Variants in EPC2 observed in about 807,000 individuals in gnomAD.
The protein encoded by EPC2 is enhancer of polycomb 2, also known as enhancer of polycomb homolog 2.
Under a neutral mutation model 92.1 loss-of-function variants are expected in EPC2, and 14 were observed. The ratio of observed to expected loss-of-function variants is 0.15; its 90% confidence interval spans 0.10 to 0.24. EPC2 has a LOEUF of 0.24. Ranked by LOEUF, EPC2 falls within the 10% of genes least tolerant of loss-of-function variation. EPC2 has a pLI of 1.00. For missense variants in EPC2, 755 were observed against 971.5 expected, an observed-to-expected ratio of 0.78 and a Z score of 2.96; for synonymous variants, 340 against 334.7, an observed-to-expected ratio of 1.02 and a Z score of -0.17.
chr2:148,697,596 G>A (rs1248630595), intron 2 of EPC2, among the ~76,000 whole-genome samples: 2 of 152,164 alleles, frequency 1.3e-5, no homozygotes, highest in Non-Finnish European at 2.9e-5. Flanking sequence ...TTTTGGGAAA[G>A]CCTAAGATTC....
chr2:148,769,194 A>G lies in EPC2; in HGVS notation c.1184A>G (p.Asp395Gly), dbSNP rs1157135130. 1 of 1,612,888 alleles carries G rather than the reference A, an allele frequency of 6.2e-7. No individual in the cohort carries two copies. Among genetic ancestry groups the G allele is most frequent in the Non-Finnish European group, 8.5e-7 (1 of 1,179,464 alleles). The part of the protein sequence containing the change: ...VSEPEEENDP[D>G]GPCAFRRRAG... The stretch of plus-strand genomic sequence containing the variant: ...GAACCGGAAGAAGAAAATGATCCTG[A>G]TGGTCCCTGTGCTTTCAGAAGGCGG... The change falls in exon 8 of 14, where the codon GAT (aspartate) becomes GGT (glycine). Residue 395 changes from aspartate to glycine, a missense_variant. By Grantham distance (94) the Asp-to-Gly change is moderately conservative. Transcript: ENST00000258484.
At chr2:148,646,181 T>G (rs914320533) in intron 1 of EPC2, among the ~76,000 whole-genome samples, 1 of 152,044 alleles carries the variant, frequency 6.6e-6, no homozygotes, top group Non-Finnish European at 1.5e-5. Context: ...CAACCTCGGG[T>G]GTGTGTGGAT....
chr2:148,689,322 A>G lies in EPC2; in HGVS notation c.154-892A>G, dbSNP rs56339776. Among the ~76,000 whole-genome samples the G allele has an allele frequency of 2.6e-3, 384 of 149,642 alleles. 2 individuals carry two copies. The highest frequency in any genetic ancestry group is 3.0e-3 in the Non-Finnish European group (204 of 66,960). On this transcript the variant is annotated intron_variant, in intron 1 of 13. Transcript: ENST00000258484. ...CTCCTGAGTAGCTGGGACTAGAGGC[A>G]CCCGCCACTACGCCCGGCTAATTTT...
chr2:148,671,287 ATTTTT>A (rs60048357), intron 1 of EPC2, among the ~76,000 whole-genome samples: 5 of 127,092 alleles, frequency 3.9e-5, no homozygotes, highest in African/African-American at 1.2e-4. Context: ...GTGGATTGTG[ATTTTT>A]TTTTTTTTTT....
chr2:148,649,673 C>G (rs1433763803), intron 1 of EPC2, among the ~76,000 whole-genome samples: 1 of 152,168 alleles, frequency 6.6e-6, no homozygotes, highest in African/African-American at 2.4e-5. Context: ...GCTGAAAGGT[C>G]TTGCTGCTAG....
rs1237828007 is a variant in EPC2, at chr2:148,786,345, G to A, written c.2392G>A (p.Ala798Thr). The change falls in exon 14 of 14, where the codon GCA becomes ACA. Residue 798 changes from alanine (A) to threonine (T), a missense_variant. Around this residue, in one of 4 missense-constraint regions of EPC2, gnomAD observed 207 missense variants for 260.5 expected, o/e 0.79. Transcript: ENST00000258484. ...EPERLGLNGIAETTVAMEVT is the reference protein window; with the variant it reads ...EPERLGLNGITETTVAMEVT ...AGAAAGATTGGGCTTAAATGGAATA[G>A]CAGAGACAACAGTAGCTATGGAAGT... The A allele has an allele frequency of 1.9e-6, 3 of 1,611,826 alleles. No homozygotes were observed. The highest frequency in any genetic ancestry group is 2.5e-6 in the Non-Finnish European group (3 of 1,178,940).
chr2:148,651,800 T>C (rs566991826), intron 1 of EPC2, among the ~76,000 whole-genome samples: 20 of 152,286 alleles, frequency 1.3e-4, no homozygotes, highest in Non-Finnish European at 1.8e-4. Flanking sequence ...AATAGATGGT[T>C]TAGAGTTGAT....
At chr2:148,782,982 T>C (rs1683784884) in intron 11 of EPC2, among the ~76,000 whole-genome samples, 1 of 152,200 alleles carries the variant, frequency 6.6e-6, no homozygotes, top group Non-Finnish European at 1.5e-5. Flanking sequence ...GTCAGTACAC[T>C]GACTTTAAAG....
chr2:148,755,353 G>C (rs1683165928), intron 4 of EPC2, among the ~76,000 whole-genome samples: 1 of 151,864 alleles, frequency 6.6e-6, no homozygotes, highest in South Asian at 2.1e-4. Context: ...TTGGACATGA[G>C]GAAAGAGAGG....
In EPC2 at chr2:148,751,295, C is replaced by G. The variant is rs1425267175; in HGVS notation, c.460-2632C>G. On this transcript the variant is annotated intron_variant, in intron 3 of 13. Coordinates refer to ENST00000258484, the MANE Select transcript of EPC2 (RefSeq NM_015630.4). ...TGAAATTACAGATTTTGTTGATTAA[C>G]AGACTAAGTGGTCCTTGTCTTCATA... Among the ~76,000 whole-genome samples the G allele has an allele frequency of 2.6e-5, 4 of 151,958 alleles. No homozygotes were observed. The East Asian group carries it at 7.7e-4, about 29-fold the overall frequency.
intron 1 of EPC2, among the ~76,000 whole-genome samples, chr2:148,656,282 A>G (rs578140220): frequency 9.1e-4 from 138 of 152,278 alleles, no homozygotes; most frequent in African/African-American, 3.3e-3. Context: ...TTAACCCGTC[A>G]TTCCTAAGTG....
intron 1 of EPC2, among the ~76,000 whole-genome samples, chr2:148,650,984 A>G (rs929659739): frequency 3.3e-5 from 5 of 152,230 alleles, no homozygotes; most frequent in African/African-American, 1.2e-4. Context: ...CATTAAGTCC[A>G]AAAACATGTA....
chr2:148,745,997 G>A (rs1413133956), intron 3 of EPC2, among the ~76,000 whole-genome samples: 1 of 151,998 alleles, frequency 6.6e-6, no homozygotes, highest in Admixed American at 6.6e-5. Flanking sequence ...TCTTGGAGCT[G>A]TCTTCACCTT....
At chr2:148,669,171 T>C (rs1264877172) in intron 1 of EPC2, among the ~76,000 whole-genome samples, 2 of 152,240 alleles carry the variant, frequency 1.3e-5, no homozygotes, top group African/African-American at 4.8e-5. Context: ...CATTTACATT[T>C]AATATGATTT....
chr2:148,693,767 T>C (rs187047160), intron 2 of EPC2, among the ~76,000 whole-genome samples: 31 of 152,360 alleles, frequency 2.0e-4, no homozygotes, highest in Admixed American at 1.3e-3. Context: ...TATTTTGTTA[T>C]GTCTTCACAT....
chr2:148,783,965 A>G (rs1031236454), intron 12 of EPC2, among the ~76,000 whole-genome samples: 2 of 152,228 alleles, frequency 1.3e-5, no homozygotes, highest in African/African-American at 2.4e-5. Context: ...CATCCATTGA[A>G]TACATACCTG....
rs149136702 is a variant in EPC2 at position 148,657,499 on chromosome 2, T to G, written c.153+12329T>G. ...AGTGGGTCTTATTCCTCTTAGTGTC[T>G]GATTAAGTCTAGAATAGGGCCTGGG... is the stretch of plus-strand genomic sequence containing the variant. On this transcript the variant is annotated intron_variant, in intron 1 of 13. Coordinates refer to ENST00000258484, the MANE Select transcript of EPC2 (RefSeq NM_015630.4). Among the ~76,000 whole-genome samples, 4 of 152,256 alleles carry G rather than the reference T, an allele frequency of 2.6e-5. No homozygotes were observed. In the East Asian group the frequency reaches 5.8e-4, roughly 22 times the overall value.
chr2:148,739,702 A>C (rs1682836833), intron 2 of EPC2, among the ~76,000 whole-genome samples: 1 of 152,088 alleles, frequency 6.6e-6, no homozygotes, highest in East Asian at 1.9e-4. Context: ...AGTGGTAGCT[A>C]CCTGATGGCT....
At chr2:148,750,491 A>G (rs1173721261) in intron 3 of EPC2, among the ~76,000 whole-genome samples, 2 of 151,952 alleles carry the variant, frequency 1.3e-5, no homozygotes, top group Non-Finnish European at 2.9e-5. Context: ...GACTTCTTCC[A>G]TTTTCTGGGT....
Sources: gnomAD v4.1 joint callset for allele counts (sites outside exome capture counted in the v4.1 genomes callset) on GRCh38, gnomAD v4.1.1 for gene constraint, gnomAD v4.1.1 regional missense constraint, MANE v1.5 for transcripts, NCBI Gene and HGNC (gene_info 2026-07-23, HGNC 2026-07-21) for gene names.